The following CEP250 variants were observed in gnomAD, a reference collection of about 807,000 sequenced individuals.
CEP250 encodes centrosome-associated protein CEP250.
CEP250 carries 242 observed loss-of-function variants against 315.7 expected under a neutral mutation model. The observed-to-expected ratio is 0.77, with a 90% CI of 0.69 to 0.85. The LOEUF is 0.85. Among genes scored for constraint, CEP250 ranks in the 40% least tolerant of loss-of-function variants. CEP250 has a pLI of 0.00. For synonymous variants in CEP250, 1,088 were observed against 1,175.0 expected (o/e 0.93, Z 1.51); for missense variants, 2,515 against 2,886.4 (o/e 0.87, Z 2.95).
chr20:35,503,613 C>T lies in CEP250; in HGVS notation c.5244C>T (p.Leu1748=), dbSNP rs1296536087. ...GTCAGCAGGAGCATATCCATGAACT[C>T]CAGGAGCTCAAAGACCAGCTGGAGC... ...VECQQEHIHE[L]QELKDQLEQQ... The change falls in exon 30 of 35, where the codon CTC becomes CTT. Residue 1748 remains leucine, a synonymous_variant. Coordinates refer to ENST00000397527, the MANE Select transcript of CEP250 (RefSeq NM_007186.6). The surrounding 1 kb of genome is among the most constrained non-coding windows in gnomAD (Gnocchi z 4.2). 2 of 1,614,058 alleles carry T rather than the reference C, an allele frequency of 1.2e-6. No individual in the cohort carries two copies. The highest frequency in any genetic ancestry group is 2.2e-5 in the South Asian group (2 of 91,078).
rs1568832424 is a variant in CEP250, at chr20:35,502,928, A to C, written c.4559A>C (p.Gln1520Pro). Residue 1520 changes from glutamine to proline, a missense_variant, in exon 30 of 35, where the codon CAG becomes CCG. Gln to Pro is a moderately conservative substitution (Grantham distance 76). Transcript: ENST00000397527. ...IRELEKDRET[Q>P]RNVLEHQLLE... is the part of the protein sequence containing the mutation. ...GAGCTCGAGAAGGATCGGGAGACTC[A>C]GAGGAACGTCTTGGAGCATCAGCTT... The C allele has an allele frequency of 6.2e-7, 1 of 1,614,266 alleles. No individual in the cohort carries two copies.
rs531936866 is a variant in CEP250 at position 35,502,715 on chromosome 20, A to G, written c.4346A>G (p.Lys1449Arg). The G allele has an allele frequency of 1.2e-6, 2 of 1,614,284 alleles. No homozygotes were observed. The highest frequency in any genetic ancestry group is 1.7e-6 in the Non-Finnish European group (2 of 1,180,052). The change falls in exon 30 of 35, where the codon AAG (lysine) becomes AGG (arginine). Residue 1449 changes from lysine (K) to arginine (R), a missense_variant. Transcript: ENST00000397527. ...CGGGGACAAATCCAGGAACTGGAGA[A>G]GCAACGGGAAATGCAGAAGGCTGCT... is the stretch of plus-strand genomic sequence containing the variant. The part of the protein sequence containing the change: ...TLRGQIQELE[K>R]QREMQKAALE...
intron 21 of CEP250, 84 bp downstream of exon 21, chr20:35,490,888 G>A: frequency 6.7e-7 from 1 of 1,495,296 alleles, no homozygotes; most frequent in Non-Finnish European, 9.1e-7. Context: ...CCCAAGAGGA[G>A]TGCTGCAGAG....
chr20:35,501,757 C>G, intron 28 of CEP250, 88 bp from the exon 29 acceptor site: 1 of 1,410,800 alleles, frequency 7.1e-7, no homozygotes, highest in South Asian at 1.4e-5. Flanking sequence ...AATCTGTTCC[C>G]CATCCTCCAT....
intron 9 of CEP250, among the ~76,000 whole-genome samples, chr20:35,468,670 A>G (rs772458226): frequency 2.8e-4 from 43 of 152,026 alleles, no homozygotes; most frequent in Non-Finnish European, 5.6e-4. Flanking sequence ...TAGACACTCA[A>G]TACATTTTGT....
At chr20:35,463,683 G>C in intron 5 of CEP250, 52 bp downstream of exon 5, 2 of 1,482,900 alleles carry the variant, frequency 1.3e-6, no homozygotes, top group Non-Finnish European at 9.1e-7. Context: ...GAATATACTT[G>C]TTAGGTTTCA....
At chr20:35,483,906 A>T (rs531186371) in intron 20 of CEP250, among the ~76,000 whole-genome samples, 2 of 151,478 alleles carry the variant, frequency 1.3e-5, no homozygotes, top group South Asian at 2.1e-4. Context: ...CACTTTTTAA[A>T]TTTTTTATTT....
At chr20:35,496,436 T>C (rs1000241006) in intron 24 of CEP250, 141 bp from the exon 25 acceptor site, 1 of 761,278 alleles carries the variant, frequency 1.3e-6, no homozygotes, top group Non-Finnish European at 2.0e-6. Context: ...CAATAAATGA[T>C]AGCTTTTATT....
chr20:35,496,065 CATA>C (rs748909706), intron 24 of CEP250, among the ~76,000 whole-genome samples: 3 of 152,006 alleles, frequency 2.0e-5, no homozygotes, highest in Non-Finnish European at 4.4e-5. Flanking sequence ...AGCTAGGGAA[CATA>C]GTAGGAGATG....
At chr20:35,491,051 G>T (rs1287294623) in intron 21 of CEP250, 161 bp from the exon 22 acceptor site, 1 of 901,318 alleles carries the variant, frequency 1.1e-6, no homozygotes, top group African/African-American at 1.7e-5. Flanking sequence ...GGTAATCTTT[G>T]CACTTCCTTG....
chr20:35,503,527 C>T lies in CEP250; in HGVS notation c.5158C>T (p.Gln1720Ter). 6.2e-7 allele frequency: 1 copy of T among 1,614,024 alleles called. No homozygotes were observed. The highest frequency in any genetic ancestry group is 8.5e-7 in the Non-Finnish European group (1 of 1,180,002). ...GGAAGGGAAGGGCCCAAGTAAAGCA[C>T]AGCGCGGGAGCCTAGAGCACATGAA... ...AEEGKGPSKA[Q>*]RGSLEHMKLI... The change falls in exon 30 of 35, where the codon CAG (glutamine) becomes TAG (stop). Residue 1720 changes from glutamine to a stop codon, truncating the protein, a stop_gained. Coordinates refer to ENST00000397527, the MANE Select transcript of CEP250 (RefSeq NM_007186.6). LOFTEE classifies it high-confidence loss of function. The surrounding 1 kb of genome is among the most constrained non-coding windows in gnomAD (Gnocchi z 4.2).
Position 35,504,730 on chromosome 20 carries a change from A to G in CEP250, c.6361A>G (p.Asn2121Asp). ...GCTGAGGGAGACCCAGCAAAGGAAC[A>G]ACCTGGAAGCCTTACCCCACAGCCA... ...LELRETQQRN[N>D]LEALPHSHKT... Residue 2121 changes from asparagine to aspartate, a missense_variant, in exon 30 of 35, where the codon AAC (asparagine) becomes GAC (aspartate). By Grantham distance (23) the Asn-to-Asp change is conservative. Transcript: ENST00000397527. 1 of 1,614,186 alleles carries G rather than the reference A, an allele frequency of 6.2e-7. No homozygotes were observed.
At chr20:35,484,572 T>C (rs2146952956) in intron 20 of CEP250, among the ~76,000 whole-genome samples, 1 of 152,192 alleles carries the variant, frequency 6.6e-6, no homozygotes, top group Non-Finnish European at 1.5e-5. Context: ...TCTTTTTGCC[T>C]TTTCCCCCTT....
At chr20:35,474,500 G>T (rs2063115437) in intron 14 of CEP250, among the ~76,000 whole-genome samples, 1 of 152,204 alleles carries the variant, frequency 6.6e-6, no homozygotes, top group South Asian at 2.1e-4. Context: ...CAGAGAGTGG[G>T]AGAAGAGCTC....
At chr20:35,483,274 C>T (rs145889012) in intron 20 of CEP250, among the ~76,000 whole-genome samples, 6 of 150,940 alleles carry the variant, frequency 4.0e-5, no homozygotes, top group African/African-American at 9.7e-5. Flanking sequence ...GAGCTGAGAT[C>T]GCGCCATTAC....
intron 5 of CEP250, among the ~76,000 whole-genome samples, chr20:35,465,355 GGTT>G: frequency 1.3e-5 from 2 of 151,766 alleles, no homozygotes; most frequent in Middle Eastern, 3.4e-3. Flanking sequence ...GGGAGGCGGT[GGTT>G]GCAGTGAGCT....
chr20:35,483,712 G>T (rs1183595205), intron 20 of CEP250, among the ~76,000 whole-genome samples: 1 of 151,846 alleles, frequency 6.6e-6, no homozygotes. Context: ...CTGGTTAGTT[G>T]TATGTCAGAC....
rs1329800646 is a variant in CEP250, at chr20:35,504,717, C to T, written c.6348C>T (p.Thr2116=). Residue 2116 remains threonine (T), a synonymous_variant, in exon 30 of 35, where the codon ACC becomes ACT. Transcript: ENST00000397527. ...KEQEILELRE[T]QQRNNLEALP... ...AGGAGATTCTGGAGCTGAGGGAGAC[C>T]CAGCAAAGGAACAACCTGGAAGCCT... 6.8e-6 allele frequency: 11 copies of T among 1,614,006 alleles called. No individual in the cohort carries two copies. Among genetic ancestry groups the T allele is most frequent in the Admixed American group, 1.7e-5 (1 of 59,994 alleles).
At chr20:35,485,647 T>A (rs1374260867) in intron 20 of CEP250, among the ~76,000 whole-genome samples, 1 of 76,114 alleles carries the variant, frequency 1.3e-5, no homozygotes, top group East Asian at 3.6e-4. Context: ...CTGCCTGGCT[T>A]TTTTTTTTTT....
Sources: allele counts gnomAD v4.1 joint callset (sites outside exome capture counted in the v4.1 genomes callset), GRCh38; gene constraint gnomAD v4.1.1; non-coding constraint Gnocchi (gnomAD v3.1); transcripts MANE v1.5; gene names NCBI Gene and HGNC (gene_info 2026-07-23, HGNC 2026-07-21).